The following CDH13 variants were observed in gnomAD, a reference collection of about 807,000 sequenced individuals.
The protein encoded by CDH13 is cadherin 13, also known as cadherin-13.
A neutral mutation model predicts 63.8 loss-of-function variants in CDH13; 24 were observed. That is an observed-to-expected ratio of 0.38 (90% CI 0.27 to 0.53). The LOEUF is 0.53. CDH13 is among the 20% of genes least tolerant of loss of function. The pLI is 0.85. For missense variants in CDH13, 1,049 were observed against 903.1 expected (o/e 1.16, Z -2.07); for synonymous variants, 503 against 355.3 (o/e 1.42, Z -4.67).
intron 1 of CDH13, among the ~76,000 whole-genome samples, chr16:82,681,784 C>T (rs1158305641): frequency 6.6e-6 from 1 of 152,236 alleles, no homozygotes; most frequent in Non-Finnish European, 1.5e-5. Flanking sequence ...TACCAGGTCC[C>T]AGGAGCAGCA....
intron 10 of CDH13, among the ~76,000 whole-genome samples, chr16:83,727,858 G>C (rs1366101887): frequency 1.3e-5 from 2 of 152,136 alleles, no homozygotes; most frequent in East Asian, 1.9e-4. Context: ...GGGCGTTGGC[G>C]GGGAGGGCAG....
chr16:82,845,582 C>T lies in CDH13; in HGVS notation c.46-12780C>T, dbSNP rs1340943130. 2.0e-5 allele frequency among the ~76,000 whole-genome samples: 3 copies of T among 152,128 alleles called. No individual in the cohort carries two copies. In the East Asian group the frequency reaches 5.8e-4, roughly 29 times the overall value. ...TTCCCATCTTTTGTCTCTGTGGATT[C>T]AAGGTTTCTTGGTGTAGACCAGACA... On this transcript the variant is annotated intron_variant, in intron 1 of 13. Transcript: ENST00000567109.
At chr16:83,401,895 C>T (rs990084109) in intron 6 of CDH13, among the ~76,000 whole-genome samples, 1 of 152,204 alleles carries the variant, frequency 6.6e-6, no homozygotes, top group Non-Finnish European at 1.5e-5. Flanking sequence ...TTAATCTGCA[C>T]TGAATATATT....
At chr16:82,854,942 T>C (rs1276002215) in intron 1 of CDH13, among the ~76,000 whole-genome samples, 1 of 152,216 alleles carries the variant, frequency 6.6e-6, no homozygotes, top group Non-Finnish European at 1.5e-5. Flanking sequence ...AAGTCCTCAC[T>C]GAATCCCAGG....
chr16:83,394,736 T>A (rs2151434251), intron 6 of CDH13, among the ~76,000 whole-genome samples: 1 of 152,248 alleles, frequency 6.6e-6, no homozygotes, highest in East Asian at 1.9e-4. Context: ...GACAGTTACA[T>A]AGGTGGATTG....
chr16:83,229,561 G>C (rs2039945026), intron 5 of CDH13, among the ~76,000 whole-genome samples: 2 of 152,006 alleles, frequency 1.3e-5, no homozygotes, highest in African/African-American at 4.8e-5. Context: ...CAGTTGGCCA[G>C]AGCTGTTAGC....
intron 5 of CDH13, among the ~76,000 whole-genome samples, chr16:83,299,108 T>C (rs929217701): frequency 6.6e-6 from 1 of 152,206 alleles, no homozygotes; most frequent in African/African-American, 2.4e-5. Context: ...TTTACCAAAA[T>C]AGAATCATAC....
At chr16:83,631,140 G>T (rs1289705846) in intron 8 of CDH13, among the ~76,000 whole-genome samples, 2 of 152,200 alleles carry the variant, frequency 1.3e-5, no homozygotes, top group Non-Finnish European at 2.9e-5. Context: ...TTTGCAGCCA[G>T]CAGATGCAGT....
intron 1 of CDH13, among the ~76,000 whole-genome samples, chr16:82,734,734 T>C (rs113740550): frequency 1.3e-5 from 2 of 152,348 alleles, no homozygotes; most frequent in African/African-American, 4.8e-5. Flanking sequence ...GAATTGACCC[T>C]GTTTGGCCCA....
At chr16:83,376,020 A>C (rs2091453977) in intron 6 of CDH13, among the ~76,000 whole-genome samples, 1 of 152,204 alleles carries the variant, frequency 6.6e-6, no homozygotes, top group African/African-American at 2.4e-5. Context: ...GAGGAGCTTT[A>C]GGGATAGCAG....
chr16:83,583,099 G>A (rs1237373055), intron 7 of CDH13, among the ~76,000 whole-genome samples: 1 of 152,162 alleles, frequency 6.6e-6, no homozygotes, highest in South Asian at 2.1e-4. Context: ...AGAGGCCCCA[G>A]TTCCTTAGTT....
chr16:83,645,217 A>G (rs1911677841), intron 8 of CDH13, among the ~76,000 whole-genome samples: 1 of 151,134 alleles, frequency 6.6e-6, no homozygotes, highest in Non-Finnish European at 1.5e-5. Flanking sequence ...ATGCAGCCAT[A>G]AAAAAGAATG....
At chr16:83,665,415 T>C (rs1336923117) in intron 8 of CDH13, among the ~76,000 whole-genome samples, 1 of 152,214 alleles carries the variant, frequency 6.6e-6, no homozygotes, top group Non-Finnish European at 1.5e-5. Flanking sequence ...AAATGCATTA[T>C]TTATATCAGT....
chr16:83,747,294 T>C (rs1912673621), intron 10 of CDH13, among the ~76,000 whole-genome samples: 1 of 152,180 alleles, frequency 6.6e-6, no homozygotes, highest in Admixed American at 6.5e-5. Context: ...AATCGAATCA[T>C]AGGGGCGGGT....
At chr16:83,676,300 T>C (rs1360885283) in intron 9 of CDH13, among the ~76,000 whole-genome samples, 4 of 152,090 alleles carry the variant, frequency 2.6e-5, no homozygotes, top group Admixed American at 1.3e-4. Flanking sequence ...TAGGCCAAGA[T>C]TGTGATTAGT....
In CDH13 at chr16:82,755,794, G is replaced by C. The variant is rs547381522; in HGVS notation, c.46-102568G>C. Among the ~76,000 whole-genome samples the C allele has an allele frequency of 3.9e-5, 6 of 152,330 alleles. No individual in the cohort carries two copies. In the South Asian group the frequency reaches 1.2e-3, roughly 32 times the overall value. ...CACTAGGTGGTATGTCCATTCTTTG[G>C]CCTTACTGGGGATTTAGGCATTTGT... On this transcript the variant is annotated intron_variant, in intron 1 of 13. Transcript: ENST00000567109.
At chr16:82,852,891 G>C (rs998115436) in intron 1 of CDH13, among the ~76,000 whole-genome samples, 7 of 152,006 alleles carry the variant, frequency 4.6e-5, no homozygotes, top group Non-Finnish European at 8.8e-5. Context: ...CTACAGTATG[G>C]GAGAGAAAAA....
intron 1 of CDH13, among the ~76,000 whole-genome samples, chr16:82,632,229 C>T (rs1397063280): frequency 1.3e-5 from 2 of 152,138 alleles, no homozygotes; most frequent in African/African-American, 2.4e-5. Flanking sequence ...CCTGCTTGCC[C>T]CTAGGGCTTT....
chr16:82,675,118 G>A (rs1038221129), intron 1 of CDH13, among the ~76,000 whole-genome samples: 1 of 151,952 alleles, frequency 6.6e-6, no homozygotes, highest in Non-Finnish European at 1.5e-5. Flanking sequence ...TAATAATTTT[G>A]CAACTTAAAA....
Sources: gnomAD v4.1 joint callset for allele counts (sites outside exome capture counted in the v4.1 genomes callset) on GRCh38, gnomAD v4.1.1 for gene constraint, MANE v1.5 for transcripts, NCBI Gene and HGNC (gene_info 2026-07-23, HGNC 2026-07-21) for gene names.